The following CFAP65 variants were observed in gnomAD, a reference collection of about 807,000 sequenced individuals.
CFAP65 encodes the protein cilia and flagella associated protein 65, also known as cilia- and flagella-associated protein 65.
A neutral mutation model predicts 208.0 loss-of-function variants in CFAP65; 155 were observed. The observed-to-expected ratio is 0.75, with a 90% CI of 0.65 to 0.85. The LOEUF (loss-of-function observed/expected upper bound fraction) is 0.85. CFAP65 is among the 40% of genes least tolerant of loss of function. The pLI, the probability that CFAP65 is intolerant of heterozygous loss-of-function variation, is 0.00. For missense variants in CFAP65, 2,294 were observed against 2,451.3 expected (o/e 0.94, Z 1.36); for synonymous variants, 970 against 986.3 (o/e 0.98, Z 0.31).
At chr2:219,006,428 T>C (rs746091300) in intron 30 of CFAP65, 37 bp downstream of exon 30, 2 of 1,612,568 alleles carry the variant, frequency 1.2e-6, no homozygotes, top group African/African-American at 2.7e-5. Flanking sequence ...CCTCCCAAGT[T>C]GTCCCAAGAA....
Position 219,008,200 on chromosome 2 carries a change from G to A in CFAP65, c.4674+847C>T, listed in dbSNP as rs769939371. Among the ~76,000 whole-genome samples, 6 of 152,236 alleles carry A rather than the reference G, an allele frequency of 3.9e-5. No homozygotes were observed. The East Asian group carries it at 7.7e-4, about 20-fold the overall frequency. On this transcript the variant is annotated intron_variant, in intron 29 of 34. Transcript: ENST00000341552. ...GAGGGGATGCTACAAAGAACTCTCCGTTGCCCATTGCCCAGCTTCAACAAC... is the reference window on the plus strand; with the variant it reads ...GAGGGGATGCTACAAAGAACTCTCCATTGCCCATTGCCCAGCTTCAACAAC...
rs1224221100 is a variant in CFAP65, at chr2:219,023,259, T to C, written c.2768A>G (p.Lys923Arg). The C allele has an allele frequency of 6.2e-7, 1 of 1,613,066 alleles. No individual in the cohort carries two copies. Among genetic ancestry groups the C allele is most frequent in the Non-Finnish European group, 8.5e-7 (1 of 1,179,916 alleles). Residue 923 changes from lysine to arginine, a missense_variant, in exon 16 of 35, where the codon AAG becomes AGG. By Grantham distance (26) the Lys-to-Arg change is conservative (BLOSUM62 2). Coordinates refer to ENST00000341552, the MANE Select transcript of CFAP65 (RefSeq NM_194302.4). ...CCTGGAGGGCTGGACAGCCAGCAGC[T>C]TTCGATGCTGCTCAGAGACCCTCCA... ...FEWRVSEQHR[K>R]LLAVQPSRGL...
chr2:219,034,903 T>A (rs1327163070), intron 5 of CFAP65: 1 of 157,786 alleles, frequency 6.3e-6, no homozygotes, highest in African/African-American at 2.4e-5. Context: ...AACTCTCTAA[T>A]GCTGCTGGTG....
chr2:219,041,055 G>C (rs954847911), intron 1 of CFAP65, among the ~76,000 whole-genome samples: 3 of 152,266 alleles, frequency 2.0e-5, no homozygotes, highest in Admixed American at 6.5e-5. Context: ...TGCAGTCGTT[G>C]TGAAGAGACT....
At position 219,035,581 on chromosome 2, in the gene CFAP65, C is replaced by T. The variant is rs1209572883; in HGVS notation, c.441G>A (p.Val147=). ...VNKRVIWGIE[V]AEELHWKGWE... ...AGCCTTTCCAATGCAGCTCCTCAGC[C>T]ACCTCAATGCCCCAGATGACCCTCT... is the stretch of plus-strand genomic sequence containing the variant. The change falls in exon 5 of 35, where the codon GTG becomes GTA. Residue 147 remains valine (V), a synonymous_variant. Coordinates refer to ENST00000341552, the MANE Select transcript of CFAP65 (RefSeq NM_194302.4). 1 of 1,614,090 alleles carries T rather than the reference C, an allele frequency of 6.2e-7. No individual in the cohort carries two copies. Among genetic ancestry groups the T allele is most frequent in the East Asian group, 2.2e-5 (1 of 44,878 alleles).
Position 219,031,169 on chromosome 2 carries a change from G to C in CFAP65, c.952C>G (p.Gln318Glu). Residue 318 changes from glutamine to glutamate, a missense_variant, in exon 8 of 35, where the codon CAG (glutamine) becomes GAG (glutamate). This residue lies in a region of CFAP65 where 867 missense variants were observed against 1,012.6 expected (regional missense o/e 0.86). Transcript: ENST00000341552. This position sits in a 1 kb window ranked among gnomAD's most constrained non-coding sequence, Gnocchi z 5.2. ...QPLTAVIYEVQATCWYGAGSR... is the reference protein window; with the variant it reads ...QPLTAVIYEVEATCWYGAGSR... Reference sequence around the variant, plus strand: ...CCCGCCCCGTACCAGCACGTGGCCTGCACCTCGTAGATGACGGCTGTAAGG... The same window carrying C: ...CCCGCCCCGTACCAGCACGTGGCCTCCACCTCGTAGATGACGGCTGTAAGG... 1 of 1,610,610 alleles carries C rather than the reference G, an allele frequency of 6.2e-7. No homozygotes were observed.
chr2:219,016,514 C>T (rs1028406047), intron 21 of CFAP65, among the ~76,000 whole-genome samples: 16 of 152,034 alleles, frequency 1.1e-4, no homozygotes, highest in African/African-American at 3.6e-4. Flanking sequence ...AGGCTGGTCT[C>T]AAACTCCTGA....
intron 20 of CFAP65, 86 bp downstream of exon 20, chr2:219,019,420 T>C: frequency 8.0e-7 from 1 of 1,243,094 alleles, no homozygotes; most frequent in Non-Finnish European, 1.1e-6. Context: ...AGCTTCCTTG[T>C]TCTGGGAGTC....
rs956756230 is a variant in CFAP65, at chr2:219,032,643, G to C, written c.543-71C>G. ...ACAACTGGAAGAGGCAGGAAACGAGGGAAGCCCTGCAGCCAAGGGAGCTTG... is the reference window on the plus strand; with the variant it reads ...ACAACTGGAAGAGGCAGGAAACGAGCGAAGCCCTGCAGCCAAGGGAGCTTG... On this transcript the variant is annotated intron_variant, in intron 5 of 34. Coordinates refer to ENST00000341552, the MANE Select transcript of CFAP65 (RefSeq NM_194302.4). This position sits in a 1 kb window ranked among gnomAD's most constrained non-coding sequence, Gnocchi z 5.5. 5.1e-6 allele frequency: 7 copies of C among 1,379,628 alleles called. No individual in the cohort carries two copies. Among genetic ancestry groups the C allele is most frequent in the South Asian group, 1.3e-5 (1 of 78,266 alleles). The allele number at this position is 1,379,628 out of a possible 1,614,324, so 85.5% of individuals were successfully genotyped here. A position where few individuals can be genotyped will look rare whatever the true frequency, so the allele number is the denominator to read the frequency against.
intron 11 of CFAP65, among the ~76,000 whole-genome samples, chr2:219,028,675 C>T (rs1425235053): frequency 6.6e-6 from 1 of 152,136 alleles, no homozygotes; most frequent in African/African-American, 2.4e-5. Context: ...GGCATTCTCC[C>T]ACCCACCCTA....
At chr2:219,023,536 C>A (rs1947414486) in intron 15 of CFAP65, 105 bp from the exon 16 acceptor site, 1 of 833,282 alleles carries the variant, frequency 1.2e-6, no homozygotes, top group Non-Finnish European at 1.9e-6. Flanking sequence ...CCACTTGAAG[C>A]AGGCAGTCAA....
chr2:219,030,926 G>C (rs1947977284), intron 8 of CFAP65, 92 bp from the exon 9 acceptor site: 2 of 1,506,670 alleles, frequency 1.3e-6, no homozygotes, highest in African/African-American at 1.4e-5. Flanking sequence ...GTGGCCCCAG[G>C]GAAAATTTAG....
chr2:219,031,152 G>A lies in CFAP65; in HGVS notation c.969C>T (p.Tyr323=), dbSNP rs368173966. The A allele has an allele frequency of 8.3e-5, 133 of 1,606,904 alleles. 1 individual carries two copies. The highest frequency in any genetic ancestry group is 6.0e-4 in the African/African-American group (45 of 75,016). ...VIYEVQATCW[Y]GAGSRQRSSI... is the part of the protein sequence containing the mutation. ...TGCTCCTCTGCCGGCTGCCCGCCCCGTACCAGCACGTGGCCTGCACCTCGT... is the reference window on the plus strand; with the variant it reads ...TGCTCCTCTGCCGGCTGCCCGCCCCATACCAGCACGTGGCCTGCACCTCGT... The change falls in exon 8 of 35, where the codon TAC becomes TAT. Residue 323 remains tyrosine, a synonymous_variant. Coordinates refer to ENST00000341552, the MANE Select transcript of CFAP65 (RefSeq NM_194302.4). This position sits in a 1 kb window ranked among gnomAD's most constrained non-coding sequence, Gnocchi z 5.2.
intron 2 of CFAP65, among the ~76,000 whole-genome samples, chr2:219,039,583 T>C (rs1051714099): frequency 1.3e-5 from 2 of 152,348 alleles, no homozygotes; most frequent in Non-Finnish European, 1.5e-5. Context: ...AATCCACATG[T>C]GTACTTTAAA....
In CFAP65 at chr2:219,028,718, C is replaced by T. The variant is rs552323667; in HGVS notation, c.1651-317G>A. Among the ~76,000 whole-genome samples, 10 of 152,270 alleles carry T rather than the reference C, an allele frequency of 6.6e-5. No homozygotes were observed. The East Asian group carries it at 1.9e-3, about 29-fold the overall frequency. ...CCCAGAGGCCTGCCAAACTAGAATT[C>T]AGGCCCTCCCAAGGGAGGAGAATAT... On this transcript the variant is annotated intron_variant, in intron 11 of 34. Coordinates refer to ENST00000341552, the MANE Select transcript of CFAP65 (RefSeq NM_194302.4).
intron 13 of CFAP65, 155 bp downstream of exon 13, chr2:219,027,495 G>A (rs759523073): frequency 1.3e-6 from 2 of 1,589,766 alleles, no homozygotes; most frequent in Admixed American, 1.8e-5. Flanking sequence ...CTTTGGAGGA[G>A]ACAAACTCAT....
Position 219,009,479 on chromosome 2 carries a change from A to T in CFAP65, c.4453-19T>A, listed in dbSNP as rs192732480. 32 of 1,537,896 alleles carry T rather than the reference A, an allele frequency of 2.1e-5. No individual in the cohort carries two copies. In the African/African-American group the frequency reaches 3.7e-4, roughly 18 times the overall value. ...CAGACACCTGTTGATTTGGGGAAGG[A>T]GTCTCTGGAGATTCACAGGGATGGA... On this transcript the variant is annotated intron_variant, in intron 27 of 34. Transcript: ENST00000341552.
chr2:219,011,742 G>C (rs1946501954), intron 24 of CFAP65, among the ~76,000 whole-genome samples: 1 of 152,282 alleles, frequency 6.6e-6, no homozygotes, highest in Admixed American at 6.5e-5. Flanking sequence ...AGAGAGAATA[G>C]AGTCCATCTG....
rs977059651 is a variant in CFAP65, at chr2:219,019,194, G to C, written c.3474-15C>G. ...TCTGGCTCATGCTGTGAGGAACAGA[G>C]AAAGGGGTTCAGAGATGGGGATGGG... On this transcript the variant is annotated splice_polypyrimidine_tract_variant and intron_variant, in intron 20 of 34. Transcript: ENST00000341552. 6.2e-6 allele frequency: 10 copies of C among 1,604,808 alleles called. No homozygotes were observed. The Admixed American group carries it at 8.4e-5, about 13-fold the overall frequency.
Sources: gnomAD v4.1 joint callset for allele counts (sites outside exome capture counted in the v4.1 genomes callset) on GRCh38, gnomAD v4.1.1 for gene constraint, gnomAD v4.1.1 regional missense constraint, Gnocchi (gnomAD v3.1) non-coding constraint, MANE v1.5 for transcripts, NCBI Gene and HGNC (gene_info 2026-07-23, HGNC 2026-07-21) for gene names.